CDYL: variants seen among roughly 807,000 people sequenced by gnomAD.
CDYL encodes the protein chromodomain Y-like protein.
In CDYL, 8 loss-of-function variants were observed where a neutral mutation model predicts 47.3. The ratio of observed to expected loss-of-function variants is 0.17; its 90% CI spans 0.10 to 0.31. The LOEUF is 0.31. Among genes scored for constraint, CDYL ranks in the 10% least tolerant of loss-of-function variants. CDYL has a pLI of 1.00. For missense variants in CDYL, 471 were observed against 701.4 expected, an observed-to-expected ratio of 0.67 and a Z score of 3.71; for synonymous variants, 266 against 265.0, an observed-to-expected ratio of 1.00 and a Z score of -0.04.
At chr6:4,876,695 T>G (rs747749458) in intron 1 of CDYL, among the ~76,000 whole-genome samples, 1 of 152,224 alleles carries the variant, frequency 6.6e-6, no homozygotes, top group Non-Finnish European at 1.5e-5. Context: ...AACATTTTAA[T>G]TATACTTGGT....
chr6:4,816,728 A>G (rs1387868710), intron 1 of CDYL, among the ~76,000 whole-genome samples: 3 of 151,866 alleles, frequency 2.0e-5, no homozygotes, highest in Non-Finnish European at 1.5e-5. Context: ...AGCTCAAGTG[A>G]TCTGTCCATC....
chr6:4,909,393 G>C (rs755870062), intron 2 of CDYL, among the ~76,000 whole-genome samples: 8 of 152,110 alleles, frequency 5.3e-5, no homozygotes, highest in Non-Finnish European at 1.2e-4. Context: ...CTTATTATCA[G>C]CTCTGCTGCT....
Position 4,727,452 on chromosome 6 carries a change from G to T in CDYL, c.104-7310G>T, listed in dbSNP as rs150487611. Among the ~76,000 whole-genome samples the T allele has an allele frequency of 1.4e-3, 220 of 152,206 alleles. 9 individuals are homozygous for T. The South Asian group carries it at 0.018, about 12-fold the overall frequency. ...GGCTCAAGCCCATCTGTTGTAAGGA[G>T]CATGAGTTAGGACAGAACAAGGAGG... On this transcript the variant is annotated intron_variant, in intron 2 of 8. Coordinates refer to the CDYL transcript ENST00000328908.
chr6:4,836,330 T>A (rs1760305081), intron 1 of CDYL: 1 of 876,962 alleles, frequency 1.1e-6, no homozygotes, highest in Non-Finnish European at 1.4e-6. Flanking sequence ...TTATTTATTT[T>A]ATACGTGTGC....
chr6:4,942,244 C>G (rs1758380746), intron 4 of CDYL, among the ~76,000 whole-genome samples: 1 of 152,146 alleles, frequency 6.6e-6, no homozygotes, highest in African/African-American at 2.4e-5. Context: ...AGGCTGAGGT[C>G]CAGCCGCTAA....
At chr6:4,946,383 G>C (rs369453469) in intron 5 of CDYL, among the ~76,000 whole-genome samples, 180 of 152,234 alleles carry the variant, frequency 1.2e-3, no homozygotes, top group African/African-American at 4.3e-3. Flanking sequence ...AGGTGCATCT[G>C]CCCCCAGTGG....
intron 3 of CDYL, among the ~76,000 whole-genome samples, chr6:4,765,184 T>C (rs1436555385): frequency 6.6e-6 from 1 of 152,086 alleles, no homozygotes; most frequent in African/African-American, 2.4e-5. Context: ...CAGCCAGGCA[T>C]GGTGGTGGGC....
intron 1 of CDYL, among the ~76,000 whole-genome samples, chr6:4,824,568 T>C (rs4367417): frequency 0.027 from 4,036 of 152,272 alleles, 180 homozygotes; most frequent in African/African-American, 0.091. Flanking sequence ...ATTGGGTTAT[T>C]TGTCATTGTT....
At chr6:4,948,212 A>G (rs912272202) in intron 5 of CDYL, among the ~76,000 whole-genome samples, 1 of 152,144 alleles carries the variant, frequency 6.6e-6, no homozygotes, top group African/African-American at 2.4e-5. Context: ...GACCCCTCCC[A>G]CTGTATGATC....
At chr6:4,888,060 G>C (rs982781183) in intron 1 of CDYL, among the ~76,000 whole-genome samples, 17 of 151,870 alleles carry the variant, frequency 1.1e-4, no homozygotes, top group Non-Finnish European at 2.1e-4. Context: ...CTTGGTCATG[G>C]TCATTTTTGT....
At chr6:4,799,691 G>T (rs1037588423) in intron 1 of CDYL, among the ~76,000 whole-genome samples, 3 of 152,078 alleles carry the variant, frequency 2.0e-5, no homozygotes, top group African/African-American at 7.2e-5. Context: ...TGCCTTGCTC[G>T]GCTCCCAAAG....
At chr6:4,818,232 G>A (rs1581186943) in intron 1 of CDYL, among the ~76,000 whole-genome samples, 1 of 152,036 alleles carries the variant, frequency 6.6e-6, no homozygotes, top group East Asian at 1.9e-4. Context: ...TCTAGCCTGG[G>A]TGATAAAGTG....
chr6:4,844,362 G>C (rs1331912830), intron 1 of CDYL, among the ~76,000 whole-genome samples: 1 of 152,196 alleles, frequency 6.6e-6, no homozygotes, highest in Non-Finnish European at 1.5e-5. Context: ...GAGCTCCCGG[G>C]AGATTATGTC....
intron 1 of CDYL, among the ~76,000 whole-genome samples, chr6:4,839,901 G>A (rs1327922281): frequency 6.6e-6 from 1 of 151,920 alleles, no homozygotes; most frequent in Non-Finnish European, 1.5e-5. Flanking sequence ...TGGTTATGTG[G>A]GCAGTTTTTT....
chr6:4,928,260 GTA>G (rs1278828613), intron 2 of CDYL, among the ~76,000 whole-genome samples: 1 of 152,202 alleles, frequency 6.6e-6, no homozygotes, highest in Non-Finnish European at 1.5e-5. Flanking sequence ...TTTTGTGTGT[GTA>G]TGTGTGTGTG....
chr6:4,874,283 G>A (rs889262613), intron 1 of CDYL, among the ~76,000 whole-genome samples: 6 of 152,040 alleles, frequency 3.9e-5, no homozygotes, highest in African/African-American at 9.7e-5. Flanking sequence ...ATAAGCCATA[G>A]CCTCTTATTT....
chr6:4,825,186 G>C (rs1051481847), intron 1 of CDYL, among the ~76,000 whole-genome samples: 8 of 152,100 alleles, frequency 5.3e-5, no homozygotes, highest in Non-Finnish European at 1.2e-4. Context: ...TTGGAATTTT[G>C]ATAGGCCTTG....
chr6:4,895,485 A>C (rs186283424), intron 2 of CDYL, among the ~76,000 whole-genome samples: 2,212 of 119,258 alleles, frequency 0.019, 886 homozygotes, highest in African/African-American at 0.074. Flanking sequence ...ATATATGTAT[A>C]TATACATGTA....
At chr6:4,734,103 G>T (rs1460308847) in intron 2 of CDYL, among the ~76,000 whole-genome samples, 2 of 152,254 alleles carry the variant, frequency 1.3e-5, no homozygotes, top group African/African-American at 4.8e-5. Context: ...GCCTCCCAAA[G>T]TGCTGGGATT....
Sources: gnomAD v4.1 joint callset for allele counts (sites outside exome capture counted in the v4.1 genomes callset) on GRCh38, gnomAD v4.1.1 for gene constraint, MANE v1.5 for transcripts, NCBI Gene and HGNC (gene_info 2026-07-23, HGNC 2026-07-21) for gene names.